The following HESX1 variants were observed in gnomAD, a reference collection of about 807,000 sequenced individuals.
HESX1 encodes homeobox expressed in ES cells 1.
Under a neutral mutation model 22.5 loss-of-function variants are expected in HESX1, and 11 were observed. The ratio of observed to expected loss-of-function variants is 0.49; its 90% CI spans 0.31 to 0.81. The LOEUF (loss-of-function observed/expected upper bound fraction) is 0.81, where lower values mean the gene tolerates loss of function less well. Among genes scored for constraint, HESX1 ranks in the 30% least tolerant of loss-of-function variants. The probability of loss-of-function intolerance (pLI) is 0.05; values close to 1 mark genes in which losing one functional copy is unlikely to be tolerated. For synonymous variants in HESX1, 74 were observed against 76.5 expected (o/e 0.97, Z 0.17); for missense variants, 201 against 212.6 (o/e 0.95, Z 0.34).
intron 1 of HESX1, among the ~76,000 whole-genome samples, chr3:57,210,869 C>T (rs6445863): frequency 0.96 from 146,386 of 152,310 alleles, 70,425 homozygotes; most frequent in East Asian, 0.99. Flanking sequence ...AGAGAAGACA[C>T]TATGGCATTC....
intron 1 of HESX1, among the ~76,000 whole-genome samples, chr3:57,217,985 C>A (rs1215368516): frequency 2.0e-5 from 3 of 152,154 alleles, no homozygotes; most frequent in African/African-American, 7.2e-5. Context: ...TGTTCTGGGC[C>A]CCCATGGCTT....
upstream of HESX1, among the ~76,000 whole-genome samples, chr3:57,204,914 A>G (rs1463406229): frequency 6.6e-6 from 1 of 152,144 alleles, no homozygotes; most frequent in Non-Finnish European, 1.5e-5. Context: ...CTGGAAAAGG[A>G]GCAGCTAGCA....
intron 1 of HESX1, among the ~76,000 whole-genome samples, chr3:57,220,092 G>A (rs1397519994): frequency 6.6e-6 from 1 of 152,154 alleles, no homozygotes; most frequent in African/African-American, 2.4e-5. Flanking sequence ...TTATTAAACA[G>A]GGAGTCCTTT....
At chr3:57,227,476 G>C (rs1199519303), upstream of HESX1, among the ~76,000 whole-genome samples, 2 of 152,246 alleles carry the variant, frequency 1.3e-5, no homozygotes, top group African/African-American at 4.8e-5. Flanking sequence ...CCTAACTCGA[G>C]GCTCTGGCTC....
At chr3:57,226,672 A>G (rs1434762326), upstream of HESX1, among the ~76,000 whole-genome samples, 1 of 152,214 alleles carries the variant, frequency 6.6e-6, no homozygotes, top group Non-Finnish European at 1.5e-5. Flanking sequence ...AGCTACTACT[A>G]TTCTGGATTT....
rs899288860 is a variant in HESX1, at chr3:57,199,862, G to A, written c.57C>T (p.Cys19=). Residue 19 remains cysteine, a synonymous_variant, in exon 1 of 4, where the codon TGC becomes TGT. Transcript: ENST00000295934. The part of the protein sequence containing the change: ...AQLGENKPST[C]SFSIERILGL... ...CTAAGATTCTCTCAATTGAAAAGGA[G>A]CAAGTTGAGGGTTTGTTTTCCCCGA... The A allele has an allele frequency of 6.2e-7, 1 of 1,614,020 alleles. No homozygotes were observed. The highest frequency in any genetic ancestry group is 1.3e-5 in the African/African-American group (1 of 75,038).
intron 2 of HESX1, 39 bp from the exon 3 acceptor site, chr3:57,198,531 A>G: frequency 7.9e-7 from 1 of 1,273,346 alleles, no homozygotes; most frequent in East Asian, 2.3e-5. Context: ...ATGTCTCCAA[A>G]AATGAGCTTT....
chr3:57,212,557 C>CAAAAAAAAAAAAAAAA (rs56093005), intron 1 of HESX1, among the ~76,000 whole-genome samples: 31 of 80,078 alleles, frequency 3.9e-4, no homozygotes, highest in Middle Eastern at 6.6e-3. Flanking sequence ...GACTCTGTCT[C>CAAAAAAAAAAAAAAAA]AAAAAAAAAA....
intron 1 of HESX1, among the ~76,000 whole-genome samples, chr3:57,209,618 C>G (rs1240420141): frequency 7.3e-6 from 1 of 137,418 alleles, no homozygotes. Context: ...ACCTGGGAAA[C>G]AGAGCGAGAC....
intron 1 of HESX1, among the ~76,000 whole-genome samples, chr3:57,225,865 ACTTTTCTTTT>A (rs1365370761): frequency 6.8e-6 from 1 of 147,748 alleles, no homozygotes; most frequent in African/African-American, 2.5e-5. Context: ...GGTAACAAAT[ACTTTTCTTTT>A]CTTTTCTTTT....
upstream of HESX1, among the ~76,000 whole-genome samples, chr3:57,202,862 G>GAGCT (rs2060497959): frequency 6.6e-6 from 1 of 152,174 alleles, no homozygotes; most frequent in South Asian, 2.1e-4. Context: ...CACTGAAGCT[G>GAGCT]AGCTAGCATG....
At chr3:57,199,083 C>A (rs1050133402) in intron 1 of HESX1, 131 bp from the exon 2 acceptor site, 5 of 803,200 alleles carry the variant, frequency 6.2e-6, no homozygotes, top group Admixed American at 4.8e-5. Flanking sequence ...AATTGCACCC[C>A]GTTAACCAAA....
At chr3:57,208,547 A>G (rs2060533244) in intron 1 of HESX1, among the ~76,000 whole-genome samples, 1 of 151,640 alleles carries the variant, frequency 6.6e-6, no homozygotes, top group Admixed American at 6.6e-5. Flanking sequence ...ATGAGGTTTC[A>G]CCGTATAGGC....
At chr3:57,207,317 A>T (rs577123010) in intron 1 of HESX1, among the ~76,000 whole-genome samples, 38 of 152,324 alleles carry the variant, frequency 2.5e-4, no homozygotes, top group African/African-American at 9.1e-4. Flanking sequence ...AGGTGTGATC[A>T]TGTGACTTCT....
rs530257605 is a variant in HESX1, at chr3:57,223,559, C to T, written c.-111+2737G>A. 9.2e-5 allele frequency among the ~76,000 whole-genome samples: 14 copies of T among 152,274 alleles called. No individual in the cohort carries two copies. The South Asian group carries it at 2.9e-3, about 32-fold the overall frequency. On this transcript the variant is annotated intron_variant, in intron 1 of 2. Transcript: ENST00000495160. Reference sequence around the variant, plus strand: ...GTTGGTCCTTAGTGCCCTCCCACCTCTTTTTGCAACCCATTCCTCAGAACT... The same window carrying T: ...GTTGGTCCTTAGTGCCCTCCCACCTTTTTTTGCAACCCATTCCTCAGAACT...
intron 1 of HESX1, among the ~76,000 whole-genome samples, chr3:57,215,463 T>A (rs1235783793): frequency 6.6e-6 from 1 of 152,010 alleles, no homozygotes; most frequent in African/African-American, 2.4e-5. Flanking sequence ...TTTAATAATC[T>A]CTCTTTAAAA....
chr3:57,199,923 T>C lies in HESX1; in HGVS notation c.-5A>G, dbSNP rs2060475036. On this transcript the variant is annotated 5_prime_UTR_variant, in exon 1 of 4. Transcript: ENST00000295934. ...TTCCTGAAGGCTGGGAGACATCCTCTCGTGGTCTGCACAGAGCAACAGCTC... is the reference window on the plus strand; with the variant it reads ...TTCCTGAAGGCTGGGAGACATCCTCCCGTGGTCTGCACAGAGCAACAGCTC... 1 of 1,613,564 alleles carries C rather than the reference T, an allele frequency of 6.2e-7. No individual in the cohort carries two copies. Among genetic ancestry groups the C allele is most frequent in the Non-Finnish European group, 8.5e-7 (1 of 1,179,840 alleles).
chr3:57,213,068 C>T (rs1014019296), intron 1 of HESX1, among the ~76,000 whole-genome samples: 2 of 152,066 alleles, frequency 1.3e-5, no homozygotes, highest in South Asian at 2.1e-4. Context: ...CACACACACA[C>T]ACACCACAAA....
At chr3:57,222,238 A>C (rs1321355291) in intron 1 of HESX1, among the ~76,000 whole-genome samples, 1 of 152,176 alleles carries the variant, frequency 6.6e-6, no homozygotes, top group Non-Finnish European at 1.5e-5. Context: ...TCAATGATTA[A>C]ACAGGCACAG....
Sources: gnomAD v4.1 joint callset for allele counts (sites outside exome capture counted in the v4.1 genomes callset) on GRCh38, gnomAD v4.1.1 for gene constraint, MANE v1.5 for transcripts, NCBI Gene and HGNC (gene_info 2026-07-23, HGNC 2026-07-21) for gene names.